Variants in MB observed in about 807,000 individuals in gnomAD.
The protein encoded by MB is myoglobin.
MB carries 10 observed loss-of-function variants against 14.5 expected under a neutral mutation model. The observed-to-expected ratio is 0.69, with a 90% CI of 0.43 to 1.17. The LOEUF (loss-of-function observed/expected upper bound fraction) is 1.17. MB is among the 50% of genes most tolerant of loss of function. MB has a pLI of 0.00. For missense variants in MB, 169 were observed against 192.7 expected (o/e 0.88, Z 0.73); for synonymous variants, 89 against 78.6 (o/e 1.13, Z -0.70).
At position 35,610,924 on chromosome 22, in the gene MB, G is replaced by A. The variant is rs147598364; in HGVS notation, c.278C>T (p.Ser93Leu). 4.3e-5 allele frequency: 70 copies of A among 1,614,078 alleles called. No individual in the cohort carries two copies. The highest frequency in any genetic ancestry group is 5.5e-5 in the Non-Finnish European group (65 of 1,180,002). Residue 93 changes from serine to leucine, a missense_variant, in exon 2 of 3, where the codon TCG (serine) becomes TTG (leucine). Ser to Leu is a moderately radical substitution (Grantham distance 145). Transcript: ENST00000397326. ...GGGGATCTTGTGCTTGGTGGCATGC[G>A]ACTGTGCCAGGGGCTTAATCTCTGC... ...HEAEIKPLAQ[S>L]HATKHKIPVK...
At chr22:35,621,197 C>T (rs1449637824), upstream of MB, among the ~76,000 whole-genome samples, 1 of 152,176 alleles carries the variant, frequency 6.6e-6, no homozygotes, top group African/African-American at 2.4e-5. Flanking sequence ...TTTCTACAGC[C>T]TTACACGCTC....
At chr22:35,621,471 T>C (rs8141731), upstream of MB, among the ~76,000 whole-genome samples, 2 of 152,176 alleles carry the variant, frequency 1.3e-5, no homozygotes, top group African/African-American at 2.4e-5. Context: ...TCCAGACTTA[T>C]AGAGAGCTAG....
intron 2 of MB, among the ~76,000 whole-genome samples, chr22:35,607,874 T>C (rs1922280461): frequency 6.6e-6 from 1 of 152,232 alleles, no homozygotes; most frequent in African/African-American, 2.4e-5. Context: ...GATTTTGCAA[T>C]CAGAAAGTCT....
chr22:35,607,642 C>T (rs926520100), intron 2 of MB, among the ~76,000 whole-genome samples, 199 bp from the exon 3 acceptor site: 40 of 152,210 alleles, frequency 2.6e-4, no homozygotes, highest in Non-Finnish European at 3.7e-4. Context: ...GATACTACAA[C>T]TGCCCTCGAT....
rs141027282 is a variant in MB at position 35,610,990 on chromosome 22, G to T, written c.212C>A (p.Thr71Asn). The T allele has an allele frequency of 6.2e-6, 10 of 1,614,084 alleles. No homozygotes were observed. The highest frequency in any genetic ancestry group is 8.5e-6 in the Non-Finnish European group (10 of 1,179,922). ...DLKKHGATVL[T>N]ALGGILKKKG... ...CTTCTTAAGGATGCCACCCAGGGCGGTGAGCACGGTGGCACCATGCTTCTT... is the reference window on the plus strand; with the variant it reads ...CTTCTTAAGGATGCCACCCAGGGCGTTGAGCACGGTGGCACCATGCTTCTT... Residue 71 changes from threonine to asparagine, a missense_variant, in exon 2 of 3, where the codon ACC (threonine) becomes AAC (asparagine). Thr to Asn is a moderately conservative substitution (Grantham distance 65, BLOSUM62 0). Coordinates refer to ENST00000397326, the MANE Select transcript of MB (RefSeq NM_005368.3).
rs1922341105 is a variant in MB, at chr22:35,608,738, C to T, written c.319-1295G>A. On this transcript the variant is annotated intron_variant, in intron 2 of 2. Transcript: ENST00000397326. This position sits in a 1 kb window ranked among gnomAD's most constrained non-coding sequence, Gnocchi z 4.3. ...CGACTCCATGTGTGACTTCACCCAC[C>T]CAGATGGCCTGGTTGGGCCCCCAGC... Among the ~76,000 whole-genome samples, 1 of 152,232 alleles carries T rather than the reference C, an allele frequency of 6.6e-6. No individual in the cohort carries two copies. Among genetic ancestry groups the T allele is most frequent in the Admixed American group, 6.5e-5 (1 of 15,290 alleles).
upstream of MB, among the ~76,000 whole-genome samples, chr22:35,620,453 G>A (rs1923390451): frequency 6.6e-6 from 1 of 152,226 alleles, no homozygotes; most frequent in Non-Finnish European, 1.5e-5. Flanking sequence ...GCCCCAGTCT[G>A]TGCCAGGCCC....
At chr22:35,613,061 A>G (rs1483300090) in intron 1 of MB, among the ~76,000 whole-genome samples, 1 of 152,166 alleles carries the variant, frequency 6.6e-6, no homozygotes, top group Non-Finnish European at 1.5e-5. Context: ...TGCGTCACTG[A>G]CGGCTTGTCT....
At chr22:35,618,675 A>G (rs958874153), upstream of MB, among the ~76,000 whole-genome samples, 2 of 151,678 alleles carry the variant, frequency 1.3e-5, no homozygotes, top group African/African-American at 2.4e-5. Flanking sequence ...CTCTTTGTCT[A>G]TCCAGGCATT....
intron 2 of MB, among the ~76,000 whole-genome samples, chr22:35,610,584 C>T (rs1922531843): frequency 6.6e-6 from 1 of 152,158 alleles, no homozygotes; most frequent in Admixed American, 6.5e-5. Context: ...GATAATGGTA[C>T]CTACCCATGG....
exon 1 of MB, chr22:35,623,346 A>G: frequency 6.6e-6 from 1 of 152,332 alleles, no homozygotes; most frequent in South Asian, 2.1e-4. Flanking sequence ...GGACCAGGCC[A>G]ACATGCTCTT....
chr22:35,623,010 C>T (rs1313227723), intron 1 of MB, among the ~76,000 whole-genome samples: 1 of 152,202 alleles, frequency 6.6e-6, no homozygotes, highest in East Asian at 1.9e-4. Flanking sequence ...ACTGGCTTCT[C>T]CCCATTTCTA....
chr22:35,607,035 TAATTCA>T lies in MB; in HGVS notation c.*256_*261del, dbSNP rs1264129085. 5.4e-6 allele frequency: 2 copies of T among 372,668 alleles called. No individual in the cohort carries two copies. The highest frequency in any genetic ancestry group is 9.6e-6 in the Non-Finnish European group (2 of 207,812). The allele number at this position is 372,668 out of a possible 1,614,324, so 23.1% of individuals were successfully genotyped here. On this transcript the variant is annotated 3_prime_UTR_variant, in exon 3 of 3. Coordinates refer to ENST00000397326, the MANE Select transcript of MB (RefSeq NM_005368.3). The stretch of plus-strand genomic sequence containing the variant: ...GTTGGGATTTAGAAGAAAGGACAAT[TAATTCA>T]GATCCAAACCATGCAGAACACAGTG...
chr22:35,616,167 G>T (rs1923067281), intron 1 of MB, among the ~76,000 whole-genome samples: 2 of 152,168 alleles, frequency 1.3e-5, no homozygotes, highest in South Asian at 4.1e-4. Context: ...CCTCCCGTTG[G>T]CAGAAACGTT....
upstream of MB, among the ~76,000 whole-genome samples, chr22:35,617,953 T>C (rs1923204322): frequency 6.6e-6 from 1 of 152,212 alleles, no homozygotes; most frequent in Non-Finnish European, 1.5e-5. Context: ...ACACCACTAA[T>C]TGCTTCCTCC....
chr22:35,611,166 G>C, intron 1 of MB, 60 bp from the exon 2 acceptor site: 2 of 1,235,522 alleles, frequency 1.6e-6, no homozygotes, highest in Non-Finnish European at 2.4e-6. Context: ...TCTGGGGGCA[G>C]CCAGACTAGA....
chr22:35,616,447 G>A (rs1035045545), intron 1 of MB, among the ~76,000 whole-genome samples: 1 of 152,168 alleles, frequency 6.6e-6, no homozygotes, highest in Non-Finnish European at 1.5e-5. Context: ...GGTCACTAAT[G>A]AGCCTCTATC....
intron 2 of MB, among the ~76,000 whole-genome samples, chr22:35,610,196 G>A (rs1469087301): frequency 1.3e-5 from 2 of 152,126 alleles, no homozygotes; most frequent in East Asian, 3.9e-4. Flanking sequence ...CCTCCCACCA[G>A]TTATAGACAC....
chr22:35,610,237 C>A (rs988357286), intron 2 of MB, among the ~76,000 whole-genome samples: 1 of 152,182 alleles, frequency 6.6e-6, no homozygotes, highest in Non-Finnish European at 1.5e-5. Flanking sequence ...CTGCCCCCAA[C>A]CCTGATCCAC....
Sources: gnomAD v4.1 joint callset for allele counts (sites outside exome capture counted in the v4.1 genomes callset) on GRCh38, gnomAD v4.1.1 for gene constraint, Gnocchi (gnomAD v3.1) non-coding constraint, MANE v1.5 for transcripts, NCBI Gene and HGNC (gene_info 2026-07-23, HGNC 2026-07-21) for gene names.